Variants in PLXNB2 observed in about 807,000 individuals in gnomAD.
PLXNB2 encodes the protein plexin B2, also known as plexin-B2.
Under a neutral mutation model 202.6 loss-of-function variants are expected in PLXNB2, and 85 were observed. That is an observed-to-expected ratio of 0.42 (90% CI 0.35 to 0.50). The LOEUF is 0.50. Ranked by LOEUF, PLXNB2 falls within the 20% of genes least tolerant of loss-of-function variation. The probability of loss-of-function intolerance (pLI) is 0.02; values close to 1 mark genes in which losing one functional copy is unlikely to be tolerated. For synonymous variants in PLXNB2, 1,239 were observed against 1,137.6 expected, an observed-to-expected ratio of 1.09 and a Z score of -1.79; for missense variants, 2,063 against 2,586.2, an observed-to-expected ratio of 0.80 and a Z score of 4.39.
chr22:50,304,416 C>T (rs961437471), intron 1 of PLXNB2, among the ~76,000 whole-genome samples: 1 of 152,182 alleles, frequency 6.6e-6, no homozygotes, highest in African/African-American at 2.4e-5. Flanking sequence ...GCCAGGAGGG[C>T]CACTGTGTCA....
At chr22:50,290,702 C>T (rs1021743980) in intron 2 of PLXNB2, 105 bp from the exon 3 acceptor site, 19 of 1,215,834 alleles carry the variant, frequency 1.6e-5, no homozygotes, top group Middle Eastern at 2.8e-4. Flanking sequence ...GAGAGGGTCA[C>T]GCCACTCCAC....
chr22:50,280,173 T>A, intron 25 of PLXNB2, 102 bp from the exon 26 acceptor site: 2 of 941,658 alleles, frequency 2.1e-6, no homozygotes, highest in South Asian at 3.3e-5. Context: ...GCCTCGCCCC[T>A]GTCCAGCCTG....
chr22:50,300,442 C>T (rs1483321242), intron 1 of PLXNB2: 3 of 458,094 alleles, frequency 6.5e-6, no homozygotes, highest in Admixed American at 6.4e-5. Context: ...CATGCACGAC[C>T]CTGCCCGGAG....
In PLXNB2 at chr22:50,289,283, G is replaced by C; in HGVS notation, c.1069-141C>G. 1 of 937,582 alleles carries C rather than the reference G, an allele frequency of 1.1e-6. No individual in the cohort carries two copies. Among genetic ancestry groups the C allele is most frequent in the South Asian group, 1.7e-5 (1 of 57,216 alleles). 58.1% of individuals were successfully genotyped at this position (937,582 alleles called of 1,614,324 possible). ...ACGTCCCCGAGAACAGAACCCACAT[G>C]GCAGGGAGCCCCACCGTGCTCACTG... On this transcript the variant is annotated intron_variant, in intron 3 of 36. Coordinates refer to ENST00000359337, the MANE Select transcript of PLXNB2 (RefSeq NM_012401.4). The surrounding 1 kb of genome is among the most constrained non-coding windows in gnomAD (Gnocchi z 8.0).
chr22:50,298,409 G>A (rs142911900), intron 1 of PLXNB2, among the ~76,000 whole-genome samples: 122 of 152,030 alleles, frequency 8.0e-4, no homozygotes, highest in East Asian at 2.5e-3. Context: ...CCCCTTGCAC[G>A]GGCTGAGTCT....
Position 50,275,097 on chromosome 22 carries a change from C to G in PLXNB2, c.*607G>C, listed in dbSNP as rs1480358794. ...TGGGTGGGGCTCTAGGGCAGCCTGT[C>G]TGACAGACCAGGACCCCAGGATGTC... is the stretch of plus-strand genomic sequence containing the variant. On this transcript the variant is annotated 3_prime_UTR_variant, in exon 37 of 37. Coordinates refer to ENST00000359337, the MANE Select transcript of PLXNB2 (RefSeq NM_012401.4). The G allele has an allele frequency of 3.8e-5, 9 of 237,154 alleles. No homozygotes were observed. The allele number at this position is 237,154 out of a possible 1,614,324, so 14.7% of individuals were successfully genotyped here.
chr22:50,293,079 G>A (rs965004718), intron 2 of PLXNB2, among the ~76,000 whole-genome samples: 5 of 152,340 alleles, frequency 3.3e-5, no homozygotes, highest in Admixed American at 6.5e-5. Flanking sequence ...TGGGACCCCA[G>A]GCTTCACCAG....
At chr22:50,292,032 T>A (rs569605817) in intron 2 of PLXNB2, among the ~76,000 whole-genome samples, 1 of 152,282 alleles carries the variant, frequency 6.6e-6, no homozygotes, top group South Asian at 2.1e-4. Context: ...GCAATCCGCT[T>A]TCTCACCACA....
At position 50,276,866 on chromosome 22, in the gene PLXNB2, G is replaced by A. The variant is rs1218834335; in HGVS notation, c.5237C>T (p.Ser1746Phe). 6.2e-7 allele frequency: 1 copy of A among 1,604,700 alleles called. No individual in the cohort carries two copies. The change falls in exon 34 of 37, where the codon TCC (serine) becomes TTC (phenylalanine). Residue 1746 changes from serine to phenylalanine, a missense_variant. Physicochemically the swap from Ser to Phe is radical, Grantham distance 155. This residue lies in a region of PLXNB2 where 760 missense variants were observed against 1,109.4 expected (regional missense o/e 0.69). Transcript: ENST00000359337. ...SNKLLYAKEISTYKKMVEDYY... is the reference protein window; with the variant it reads ...SNKLLYAKEIFTYKKMVEDYY... Reference sequence around the variant, plus strand: ...CTCCTCCACCATCTTCTTGTAGGTGGAGATCTCCTTGGCGTACAGCAGCTT... The same window carrying A: ...CTCCTCCACCATCTTCTTGTAGGTGAAGATCTCCTTGGCGTACAGCAGCTT...
At position 50,282,171 on chromosome 22, in the gene PLXNB2, C is replaced by T. The variant is rs369115692; in HGVS notation, c.3117+13G>A. 122 of 1,607,798 alleles carry T rather than the reference C, an allele frequency of 7.6e-5. No individual in the cohort carries two copies. Among genetic ancestry groups the T allele is most frequent in the Middle Eastern group, 3.3e-4 (2 of 6,070 alleles). On this transcript the variant is annotated intron_variant, in intron 19 of 36. Coordinates refer to ENST00000359337, the MANE Select transcript of PLXNB2 (RefSeq NM_012401.4). ...TGGGCCGGTGCCAGAGCTGAGCCCA[C>T]GCCAGGACTGACCGTCATGGGCTGC...
Position 50,288,924 on chromosome 22 carries a change from C to T in PLXNB2, c.1251+36G>A, listed in dbSNP as rs773569258. 1 of 1,607,148 alleles carries T rather than the reference C, an allele frequency of 6.2e-7. No homozygotes were observed. The highest frequency in any genetic ancestry group is 8.5e-7 in the Non-Finnish European group (1 of 1,175,200). On this transcript the variant is annotated intron_variant, in intron 4 of 36. Transcript: ENST00000359337. The surrounding 1 kb of genome is among the most constrained non-coding windows in gnomAD (Gnocchi z 5.0). Reference sequence around the variant, plus strand: ...GGTACGGGCCTTGTGCACAGACGGGCCCTCCAGAGCCTCCCCGCCCCAGCC... The same window carrying T: ...GGTACGGGCCTTGTGCACAGACGGGTCCTCCAGAGCCTCCCCGCCCCAGCC...
chr22:50,287,974 G>T lies in PLXNB2; in HGVS notation c.1444C>A (p.Gln482Lys), dbSNP rs866516626. The T allele has an allele frequency of 6.3e-7, 1 of 1,585,020 alleles. No homozygotes were observed. The highest frequency in any genetic ancestry group is 2.3e-5 in the East Asian group (1 of 42,898). ...YPTCTQCRDSQDPYCGWCVVE... is the reference protein window; with the variant it reads ...YPTCTQCRDSKDPYCGWCVVE... ...ACGCACCAGCCGCAGTAGGGGTCCT[G>T]GGAGTCGCGGCACTGGGTGCAGGTC... Residue 482 changes from glutamine (Q) to lysine (K), a missense_variant, in exon 6 of 37, where the codon CAG (glutamine) becomes AAG (lysine). Gln to Lys is a moderately conservative substitution (Grantham distance 53). Transcript: ENST00000359337.
chr22:50,301,829 G>A (rs183635553), intron 1 of PLXNB2, among the ~76,000 whole-genome samples: 3 of 152,312 alleles, frequency 2.0e-5, no homozygotes, highest in South Asian at 2.1e-4. Flanking sequence ...GCCCCGCCTC[G>A]CCCATCACCG....
Position 50,284,073 on chromosome 22 carries a change from C to G in PLXNB2, c.2263+59G>C. ...CCCACTGCGCCCACCTGTCCCCCCA[C>G]CCACCGCCTTGTGCCCACCCGTCCC... On this transcript the variant is annotated intron_variant, in intron 13 of 36. Coordinates refer to ENST00000359337, the MANE Select transcript of PLXNB2 (RefSeq NM_012401.4). The surrounding 1 kb of genome is among the most constrained non-coding windows in gnomAD (Gnocchi z 8.0). 1 of 1,535,460 alleles carries G rather than the reference C, an allele frequency of 6.5e-7. No individual in the cohort carries two copies. Among genetic ancestry groups the G allele is most frequent in the Non-Finnish European group, 8.8e-7 (1 of 1,141,706 alleles).
chr22:50,298,169 C>G (rs1361309923), intron 1 of PLXNB2, among the ~76,000 whole-genome samples: 1 of 152,234 alleles, frequency 6.6e-6, no homozygotes, highest in African/African-American at 2.4e-5. Flanking sequence ...CATGCAGGGG[C>G]GCGAGCCCAG....
chr22:50,296,301 G>C (rs1227339221), intron 1 of PLXNB2, among the ~76,000 whole-genome samples: 1 of 151,866 alleles, frequency 6.6e-6, no homozygotes, highest in Non-Finnish European at 1.5e-5. Flanking sequence ...TGAAGTCCCG[G>C]GTACTGAGGA....
intron 25 of PLXNB2, among the ~76,000 whole-genome samples, 172 bp downstream of exon 25, chr22:50,280,317 C>A (rs996020532): frequency 1.3e-5 from 2 of 152,326 alleles, no homozygotes; most frequent in African/African-American, 4.8e-5. Context: ...TAGAGTCCGG[C>A]TTTGAGTTTG....
chr22:50,296,209 C>A (rs1466974351), intron 1 of PLXNB2, among the ~76,000 whole-genome samples: 1 of 149,104 alleles, frequency 6.7e-6, no homozygotes, highest in South Asian at 2.1e-4. Flanking sequence ...CACACACACA[C>A]ACACACACAC....
At chr22:50,290,669 G>T in intron 2 of PLXNB2, 72 bp from the exon 3 acceptor site, 1 of 1,423,456 alleles carries the variant, frequency 7.0e-7, no homozygotes, top group Non-Finnish European at 9.3e-7. Flanking sequence ...TCCAGTCCCT[G>T]CCCCAAACGT....
Sources: gnomAD v4.1 joint callset for allele counts (sites outside exome capture counted in the v4.1 genomes callset) on GRCh38, gnomAD v4.1.1 for gene constraint, gnomAD v4.1.1 regional missense constraint, Gnocchi (gnomAD v3.1) non-coding constraint, MANE v1.5 for transcripts, NCBI Gene and HGNC (gene_info 2026-07-23, HGNC 2026-07-21) for gene names.